ZNF227: variants seen among roughly 807,000 people sequenced by gnomAD.
ZNF227 encodes zinc finger protein 227.
In ZNF227, 12 loss-of-function variants were observed where a neutral mutation model predicts 13.2. The observed-to-expected ratio is 0.91, with a 90% CI of 0.58 to 1.47. The LOEUF (loss-of-function observed/expected upper bound fraction) is 1.47, where lower values mean the gene tolerates loss of function less well. Among genes scored for constraint, ZNF227 ranks in the 40% most tolerant of loss-of-function variants. The probability of loss-of-function intolerance (pLI) is 0.00; values close to 1 mark genes in which losing one functional copy is unlikely to be tolerated. For synonymous variants in ZNF227, 338 were observed against 326.0 expected, an observed-to-expected ratio of 1.04 and a Z score of -0.40; for missense variants, 885 against 967.5, an observed-to-expected ratio of 0.91 and a Z score of 1.13.
intron 3 of ZNF227, among the ~76,000 whole-genome samples, chr19:44,224,287 A>G (rs1273270826): frequency 2.0e-5 from 3 of 152,092 alleles, no homozygotes; most frequent in Non-Finnish European, 4.4e-5. Flanking sequence ...TATTAGGTCC[A>G]CTTGGTGCAG....
At chr19:44,219,698 C>G (rs2051058) in intron 3 of ZNF227, among the ~76,000 whole-genome samples, 58,057 of 151,310 alleles carry the variant, frequency 0.38, 13,069 homozygotes, top group South Asian at 0.56. Flanking sequence ...CTGGGAAAAT[C>G]TTTGGAGAGG....
At chr19:44,212,196 T>C (rs189634719), upstream of ZNF227, among the ~76,000 whole-genome samples, 601 of 152,012 alleles carry the variant, frequency 4.0e-3, 1 homozygote, top group South Asian at 6.5e-3. Context: ...TCTTCACATA[T>C]TTGCTGTTAC....
upstream of ZNF227, among the ~76,000 whole-genome samples, chr19:44,212,100 A>C (rs1447363860): frequency 1.3e-5 from 2 of 151,492 alleles, no homozygotes; most frequent in African/African-American, 2.4e-5. Context: ...ATATTGGCCA[A>C]GCTGGTCTGG....
intron 2 of ZNF227, among the ~76,000 whole-genome samples, chr19:44,214,367 C>A (rs1417551709): frequency 6.6e-6 from 1 of 151,102 alleles, no homozygotes; most frequent in Non-Finnish European, 1.5e-5. Context: ...TGAAAATTTT[C>A]TTTTTTCTTT....
At chr19:44,221,019 G>A (rs1368643364) in intron 3 of ZNF227, among the ~76,000 whole-genome samples, 1 of 150,740 alleles carries the variant, frequency 6.6e-6, no homozygotes, top group Non-Finnish European at 1.5e-5. Flanking sequence ...GTATTCCATG[G>A]TGTATATGTG....
At chr19:44,227,280 C>T (rs1466443701) in intron 3 of ZNF227, 2 of 152,196 alleles carry the variant, frequency 1.3e-5, no homozygotes, top group African/African-American at 2.4e-5. Flanking sequence ...TGTCTCACCC[C>T]TGTCACCCAG....
At chr19:44,209,580 T>C (rs572279778), upstream of ZNF227, among the ~76,000 whole-genome samples, 9 of 152,116 alleles carry the variant, frequency 5.9e-5, no homozygotes, top group African/African-American at 1.7e-4. Context: ...TTTATTTATT[T>C]ATTCATTTTT....
chr19:44,236,574 C>T lies in ZNF227; in HGVS notation c.2144C>T (p.Pro715Leu), dbSNP rs188642956. The T allele has an allele frequency of 6.2e-7, 1 of 1,613,876 alleles. No individual in the cohort carries two copies. Among genetic ancestry groups the T allele is most frequent in the East Asian group, 2.2e-5 (1 of 44,878 alleles). Residue 715 changes from proline (P) to leucine (L), a missense_variant, in exon 6 of 6, where the codon CCC becomes CTC. Transcript: ENST00000313040. ...HHQRVHTGEK[P>L]HICEECGKAF... is the part of the protein sequence containing the mutation. ...CAGAGGGTCCACACGGGAGAGAAAC[C>T]CCATATATGTGAGGAGTGTGGTAAG...
In ZNF227 at chr19:44,235,553, A is replaced by C. The variant is rs747603220; in HGVS notation, c.1123A>C (p.Thr375Pro). ...TTTTCAGTGCCATCAGAGAGTCCAC[A>C]CTGAAGAAAAACCATACAAATGCGA... is the stretch of plus-strand genomic sequence containing the variant. ...SNFQCHQRVH[T>P]EEKPYKCEEC... Residue 375 changes from threonine to proline, a missense_variant, in exon 6 of 6, where the codon ACT becomes CCT. Transcript: ENST00000313040. 5.0e-6 allele frequency: 8 copies of C among 1,614,214 alleles called. No individual in the cohort carries two copies. In the Middle Eastern group the frequency reaches 6.6e-4, roughly 133 times the overall value.
chr19:44,235,228 C>T lies in ZNF227; in HGVS notation c.798C>T (p.Pro266=). The T allele has an allele frequency of 1.9e-6, 3 of 1,613,968 alleles. No individual in the cohort carries two copies. The highest frequency in any genetic ancestry group is 2.5e-6 in the Non-Finnish European group (3 of 1,179,990). The change falls in exon 6 of 6, where the codon CCC becomes CCT. Residue 266 remains proline (P), a synonymous_variant. Coordinates refer to ENST00000313040, the MANE Select transcript of ZNF227 (RefSeq NM_182490.3). ...GRGFSYSPRL[P]LHPNVHTGEK... is the part of the protein sequence containing the mutation. ...GCTTCAGTTATAGCCCAAGGCTTCC[C>T]CTTCATCCGAATGTTCATACAGGAG...
At position 44,236,982 on chromosome 19, in the gene ZNF227, C is replaced by A; in HGVS notation, c.*152C>A. The A allele has an allele frequency of 1.6e-6, 1 of 636,826 alleles. No homozygotes were observed. Among genetic ancestry groups the A allele is most frequent in the Non-Finnish European group, 2.6e-6 (1 of 379,440 alleles). 39.4% of individuals were successfully genotyped at this position (636,826 alleles called of 1,614,324 possible). On this transcript the variant is annotated 3_prime_UTR_variant, in exon 6 of 6. Coordinates refer to ENST00000313040, the MANE Select transcript of ZNF227 (RefSeq NM_182490.3). ...TCTAACAAATCCATCAAGATGATAA[C>A]ACAGAACCATGAACAGGAATAGAAC...
Position 44,232,841 on chromosome 19 carries a change from G to GT in ZNF227, c.272-1855dup, listed in dbSNP as rs1973986478. Among the ~76,000 whole-genome samples the GT allele has an allele frequency of 2.0e-5, 3 of 151,852 alleles. No individual in the cohort carries two copies. In the South Asian group the frequency reaches 6.3e-4, roughly 32 times the overall value. On this transcript the variant is annotated intron_variant, in intron 5 of 5. Transcript: ENST00000313040. ...CCATGCCAGGCTAATTGTTTTTTTA[G>GT]TTTTTTAGCGGAGACGGGGTTTCAC...
Position 44,236,467 on chromosome 19 carries a change from G to A in ZNF227, c.2037G>A (p.Gln679=), listed in dbSNP as rs1051926481. The A allele has an allele frequency of 1.2e-6, 2 of 1,613,438 alleles. No individual in the cohort carries two copies. Among genetic ancestry groups the A allele is most frequent in the South Asian group, 1.1e-5 (1 of 91,066 alleles). Residue 679 remains glutamine, a synonymous_variant, in exon 6 of 6, where the codon CAG becomes CAA. Coordinates refer to ENST00000313040, the MANE Select transcript of ZNF227 (RefSeq NM_182490.3). ...FRYSSQFIYH[Q]RGHTGEKPYK... ...ACAGTTCGCAGTTTATATACCATCAGAGAGGCCACACTGGAGAAAAACCTT... is the reference window on the plus strand; with the variant it reads ...ACAGTTCGCAGTTTATATACCATCAAAGAGGCCACACTGGAGAAAAACCTT...
In ZNF227 at chr19:44,228,925, T is replaced by C. The variant is rs372386452; in HGVS notation, c.187+353T>C. On this transcript the variant is annotated intron_variant, in intron 4 of 5. Coordinates refer to ENST00000313040, the MANE Select transcript of ZNF227 (RefSeq NM_182490.3). ...ACAGGACAGTGCCCCCAACAGAGAA[T>C]TGGCCAGTCCAAAATAGTAGTGCTG... is the stretch of plus-strand genomic sequence containing the variant. The C allele has an allele frequency of 3.9e-5, 13 of 334,458 alleles. No individual in the cohort carries two copies. In the East Asian group the frequency reaches 4.2e-4, roughly 11 times the overall value. The allele number at this position is 334,458 out of a possible 1,614,324, so 20.7% of individuals were successfully genotyped here. A position where few individuals can be genotyped will look rare whatever the true frequency, so the allele number is the denominator to read the frequency against.
chr19:44,217,873 T>C (rs375660767), intron 3 of ZNF227, 21 bp downstream of exon 3: 1 of 1,612,482 alleles, frequency 6.2e-7, no homozygotes, highest in Middle Eastern at 1.6e-4. Context: ...GATTCCTTGC[T>C]GTCTTTTAAA....
chr19:44,210,829 A>G (rs1971328557), upstream of ZNF227, among the ~76,000 whole-genome samples: 1 of 152,194 alleles, frequency 6.6e-6, no homozygotes, highest in East Asian at 1.9e-4. Context: ...CCATCTTAGG[A>G]GATATACTTA....
Position 44,236,499 on chromosome 19 carries a change from G to A in ZNF227, c.2069G>A (p.Cys690Tyr). Residue 690 changes from cysteine to tyrosine, a missense_variant, in exon 6 of 6, where the codon TGT (cysteine) becomes TAT (tyrosine). Cys to Tyr is a radical substitution (Grantham distance 194). Transcript: ENST00000313040. ...RGHTGEKPYK[C>Y]EECGKGFGRS... is the part of the protein sequence containing the mutation. ...CACACTGGAGAAAAACCTTACAAATGTGAAGAGTGTGGGAAAGGCTTTGGT... is the reference window on the plus strand; with the variant it reads ...CACACTGGAGAAAAACCTTACAAATATGAAGAGTGTGGGAAAGGCTTTGGT... 6.2e-7 allele frequency: 1 copy of A among 1,614,176 alleles called. No homozygotes were observed. Among genetic ancestry groups the A allele is most frequent in the South Asian group, 1.1e-5 (1 of 91,086 alleles).
rs1555792151 is a variant in ZNF227 at position 44,230,922 on chromosome 19, A to AT, written c.271+1106_271+1107insT. On this transcript the variant is annotated intron_variant, in intron 5 of 5. Coordinates refer to ENST00000313040, the MANE Select transcript of ZNF227 (RefSeq NM_182490.3). ...CTCCATCTCTACAAAAAAAAAAAAA[A>AT]AAAAATATATATATATATATATATA... 1.4e-4 allele frequency among the ~76,000 whole-genome samples: 15 copies of AT among 107,106 alleles called. 1 individual carries two copies. Among genetic ancestry groups the AT allele is most frequent in the African/African-American group, 6.4e-4 (10 of 15,626 alleles). The allele number at this position is 107,106 out of a possible 152,430, so 70.3% of individuals were successfully genotyped here.
intron 2 of ZNF227, among the ~76,000 whole-genome samples, chr19:44,216,624 C>G (rs982929306): frequency 6.6e-6 from 1 of 152,186 alleles, no homozygotes; most frequent in East Asian, 1.9e-4. Flanking sequence ...TTCTCCCATT[C>G]CTGTTAGACA....
Sources: gnomAD v4.1 joint callset for allele counts (sites outside exome capture counted in the v4.1 genomes callset) on GRCh38, gnomAD v4.1.1 for gene constraint, MANE v1.5 for transcripts, NCBI Gene and HGNC (gene_info 2026-07-23, HGNC 2026-07-21) for gene names.